Variants in DNAH10 observed in about 807,000 individuals in gnomAD.
DNAH10 encodes the protein dynein axonemal heavy chain 10.
Under a neutral mutation model 506.6 loss-of-function variants are expected in DNAH10, and 348 were observed. The ratio of observed to expected loss-of-function variants is 0.69; its 90% CI spans 0.63 to 0.75. The LOEUF is 0.75. DNAH10 is among the 30% of genes least tolerant of loss of function. DNAH10 has a pLI of 0.00. For missense variants in DNAH10, 5,179 were observed against 5,787.1 expected, an observed-to-expected ratio of 0.89 and a Z score of 3.41; for synonymous variants, 2,059 against 2,198.6, an observed-to-expected ratio of 0.94 and a Z score of 1.78.
chr12:123,843,313 G>T (rs1374224826), intron 30 of DNAH10, among the ~76,000 whole-genome samples: 1 of 152,154 alleles, frequency 6.6e-6, no homozygotes, highest in African/African-American at 2.4e-5. Context: ...AAGCACCTTT[G>T]CCCTGGTCAT....
intron 41 of DNAH10, among the ~76,000 whole-genome samples, chr12:123,867,202 C>G (rs1206835749): frequency 6.6e-6 from 1 of 152,146 alleles, no homozygotes; most frequent in Non-Finnish European, 1.5e-5. Context: ...TCAAATGGGA[C>G]CTGTTATCTT....
At chr12:123,877,043 T>C (rs1952284879) in intron 47 of DNAH10, among the ~76,000 whole-genome samples, 1 of 152,224 alleles carries the variant, frequency 6.6e-6, no homozygotes, top group Non-Finnish European at 1.5e-5. Context: ...ATTCACAGCG[T>C]TGTGCAACCA....
chr12:123,931,585 C>G, intron 74 of DNAH10, 51 bp from the exon 75 acceptor site: 1 of 1,608,420 alleles, frequency 6.2e-7, no homozygotes, highest in Non-Finnish European at 8.5e-7. Flanking sequence ...CAGGAGGCTC[C>G]GGTTCTGCAC....
chr12:123,781,352 T>A, intron 6 of DNAH10, 53 bp downstream of exon 6: 1 of 1,519,476 alleles, frequency 6.6e-7, no homozygotes, highest in Non-Finnish European at 9.0e-7. Flanking sequence ...TTACTGTAGT[T>A]GGGATTACAG....
intron 1 of DNAH10, among the ~76,000 whole-genome samples, chr12:123,763,513 T>C (rs947940981): frequency 6.6e-6 from 1 of 152,126 alleles, no homozygotes; most frequent in Non-Finnish European, 1.5e-5. Context: ...ACCTTTGATT[T>C]TTTTTTTAAA....
intron 57 of DNAH10, among the ~76,000 whole-genome samples, chr12:123,905,910 T>C (rs184985510): frequency 6.6e-6 from 1 of 152,210 alleles, no homozygotes; most frequent in Admixed American, 6.5e-5. Context: ...GTTTTAGCAA[T>C]ATTTTATTTT....
At chr12:123,910,809 C>G in intron 59 of DNAH10, 137 bp downstream of exon 59, 1 of 1,066,254 alleles carries the variant, frequency 9.4e-7, no homozygotes, top group Non-Finnish European at 1.3e-6. Flanking sequence ...CTCCACCACC[C>G]AATAAATGGC....
chr12:123,924,964 C>T (rs1954876762), intron 67 of DNAH10, 86 bp from the exon 68 acceptor site: 2 of 1,547,254 alleles, frequency 1.3e-6, no homozygotes, highest in Admixed American at 3.7e-5. Context: ...CGTCCCTTTC[C>T]AGTGGCTTTT....
chr12:123,795,287 A>G (rs960594186), intron 12 of DNAH10, among the ~76,000 whole-genome samples: 4 of 152,196 alleles, frequency 2.6e-5, no homozygotes, highest in Admixed American at 1.3e-4. Context: ...TTAGTTTCCC[A>G]ATGCTGCTGG....
intron 52 of DNAH10, among the ~76,000 whole-genome samples, chr12:123,890,717 A>T (rs566969573): frequency 6.6e-6 from 1 of 152,224 alleles, no homozygotes; most frequent in South Asian, 2.1e-4. Context: ...CGATTGGAGG[A>T]GGGTAGGGCA....
chr12:123,836,838 A>G lies in DNAH10; in HGVS notation c.4902+1310A>G, dbSNP rs371332896. On this transcript the variant is annotated intron_variant, in intron 28 of 78. Transcript: ENST00000673944. ...TTTCGAGACCAGCCTGGCCAATATG[A>G]TGAAACTCTGTCTCTCTCTCTTTTT... Among the ~76,000 whole-genome samples the G allele has an allele frequency of 6.2e-4, 94 of 151,748 alleles. 1 individual carries two copies. Among genetic ancestry groups the G allele is most frequent in the African/African-American group, 1.6e-3 (67 of 41,366 alleles).
At chr12:123,838,323 A>G (rs916401795) in intron 28 of DNAH10, 133 bp from the exon 29 acceptor site, 26 of 691,136 alleles carry the variant, frequency 3.8e-5, no homozygotes, top group South Asian at 1.3e-4. Context: ...CTGAAAGCCA[A>G]TGGCACTGGG....
At position 123,902,917 on chromosome 12, in the gene DNAH10, C is replaced by T. The variant is rs1484457889; in HGVS notation, c.9641-22C>T. On this transcript the variant is annotated intron_variant, in intron 56 of 78. Coordinates refer to ENST00000673944, the MANE Select transcript of DNAH10 (RefSeq NM_001372106.1). This position sits in a 1 kb window ranked among gnomAD's most constrained non-coding sequence, Gnocchi z 4.5. Reference sequence around the variant, plus strand: ...ATCTCCTCTGAGCCCAAGCTTTACTCACCCCCTGTCCTACCCTGCAGCCGA... The same window carrying T: ...ATCTCCTCTGAGCCCAAGCTTTACTTACCCCCTGTCCTACCCTGCAGCCGA... 3 of 1,562,488 alleles carry T rather than the reference C, an allele frequency of 1.9e-6. No homozygotes were observed. Among genetic ancestry groups the T allele is most frequent in the Non-Finnish European group, 2.6e-6 (3 of 1,154,026 alleles).
chr12:123,857,459 G>A (rs1052956151), intron 37 of DNAH10, among the ~76,000 whole-genome samples: 1 of 152,250 alleles, frequency 6.6e-6, no homozygotes, highest in African/African-American at 2.4e-5. Context: ...GCCGGGCACA[G>A]TGGCTTACGC....
intron 62 of DNAH10, among the ~76,000 whole-genome samples, chr12:123,915,573 G>A (rs114686409): frequency 0.045 from 6,784 of 152,024 alleles, 467 homozygotes; most frequent in African/African-American, 0.14. Flanking sequence ...TCTGCTTTCC[G>A]TCTGTGAATG....
intron 58 of DNAH10, among the ~76,000 whole-genome samples, chr12:123,910,008 C>T (rs1373498157): frequency 2.0e-5 from 3 of 152,292 alleles, no homozygotes; most frequent in South Asian, 4.1e-4. Context: ...TTAGTCTTTG[C>T]GAAAAGCAAT....
intron 51 of DNAH10, among the ~76,000 whole-genome samples, chr12:123,883,776 T>C (rs1449683693): frequency 6.6e-6 from 1 of 152,150 alleles, no homozygotes; most frequent in African/African-American, 2.4e-5. Context: ...TGAGGATTAT[T>C]CCATTTAGAG....
chr12:123,934,317 G>C, intron 77 of DNAH10: 1 of 686,432 alleles, frequency 1.5e-6, no homozygotes. Context: ...TGGGGGCCCA[G>C]GGTGGTCTAA....
chr12:123,788,500 C>G (rs1394814526), intron 10 of DNAH10, among the ~76,000 whole-genome samples: 2 of 152,146 alleles, frequency 1.3e-5, no homozygotes, highest in Non-Finnish European at 2.9e-5. Context: ...CACGGTGTGC[C>G]GGGTACTCAG....
Sources: gnomAD v4.1 joint callset for allele counts (sites outside exome capture counted in the v4.1 genomes callset) on GRCh38, gnomAD v4.1.1 for gene constraint, Gnocchi (gnomAD v3.1) non-coding constraint, MANE v1.5 for transcripts, NCBI Gene and HGNC (gene_info 2026-07-23, HGNC 2026-07-21) for gene names.